The following CBLN4 variants were observed in gnomAD, a reference collection of about 807,000 sequenced individuals.
CBLN4 encodes cerebellin-4.
A neutral mutation model predicts 14.9 loss-of-function variants in CBLN4; 7 were observed. The observed-to-expected ratio is 0.47, with a 90% CI of 0.27 to 0.88. The LOEUF (loss-of-function observed/expected upper bound fraction) is 0.88, where lower values mean the gene tolerates loss of function less well. Ranked by LOEUF, CBLN4 falls within the 40% of genes least tolerant of loss-of-function variation. The pLI is 0.14. For missense variants in CBLN4, 188 were observed against 256.8 expected (o/e 0.73, Z 1.83); for synonymous variants, 131 against 116.5 (o/e 1.12, Z -0.80).
chr20:56,001,322 C>T (rs558008818), intron 1 of CBLN4, among the ~76,000 whole-genome samples: 130 of 152,322 alleles, frequency 8.5e-4, no homozygotes, highest in Middle Eastern at 6.8e-3. Flanking sequence ...CCAGAGGTGA[C>T]GTTTCCAAGC....
In CBLN4 at chr20:56,004,438, GC is replaced by G. The variant is rs1986430933; in HGVS notation, c.-268del. On this transcript the variant is annotated 5_prime_UTR_variant, in exon 1 of 3. An upstream open reading frame in the 5' UTR gains an earlier in-frame stop. Coordinates refer to ENST00000064571, the MANE Select transcript of CBLN4 (RefSeq NM_080617.6). This position sits in a 1 kb window ranked among gnomAD's most constrained non-coding sequence, Gnocchi z 6.1. ...CCTACTCTCCTCCGCCCAAGAATCA[GC>G]CCTGCCTGGGGCCCCTGCACCCACT... 2.5e-6 allele frequency: 1 copy of G among 405,016 alleles called. No individual in the cohort carries two copies. Among genetic ancestry groups the G allele is most frequent in the Non-Finnish European group, 4.3e-6 (1 of 232,076 alleles). The allele number at this position is 405,016 out of a possible 1,614,324, so 25.1% of individuals were successfully genotyped here. A position where few individuals can be genotyped will look rare whatever the true frequency, so the allele number is the denominator to read the frequency against.
At chr20:56,003,832 G>A in intron 1 of CBLN4, 49 bp downstream of exon 1, 3 of 1,545,840 alleles carry the variant, frequency 1.9e-6, no homozygotes, top group Non-Finnish European at 2.6e-6. Context: ...GTGCTGAGGT[G>A]CCTGGAGACC....
rs1986302293 is a variant in CBLN4 at position 55,997,789 on chromosome 20, A to T, written c.*768T>A. 6.6e-6 allele frequency: 1 copy of T among 152,494 alleles called. No homozygotes were observed. Among genetic ancestry groups the T allele is most frequent in the Non-Finnish European group, 1.5e-5 (1 of 68,012 alleles). 9.4% of individuals were successfully genotyped at this position (152,494 alleles called of 1,614,324 possible). ...CAATAAAGTATAAGATTTCCCTCGGAGGGGAGCTGTTTTGCTGAGGCTCAG... is the reference window on the plus strand; with the variant it reads ...CAATAAAGTATAAGATTTCCCTCGGTGGGGAGCTGTTTTGCTGAGGCTCAG... On this transcript the variant is annotated 3_prime_UTR_variant, in exon 3 of 3. Transcript: ENST00000064571.
At position 56,004,273 on chromosome 20, in the gene CBLN4, C is replaced by T; in HGVS notation, c.-102G>A. 1.6e-6 allele frequency: 2 copies of T among 1,234,560 alleles called. No homozygotes were observed. The highest frequency in any genetic ancestry group is 2.1e-6 in the Non-Finnish European group (2 of 946,982). The allele number at this position is 1,234,560 out of a possible 1,614,324, so 76.5% of individuals were successfully genotyped here. A position where few individuals can be genotyped will look rare whatever the true frequency, so the allele number is the denominator to read the frequency against. On this transcript the variant is annotated 5_prime_UTR_variant, in exon 1 of 3. Transcript: ENST00000064571. The surrounding 1 kb of genome is among the most constrained non-coding windows in gnomAD (Gnocchi z 6.1). Reference sequence around the variant, plus strand: ...CTCGGGAAGATGCTAGCGGCTAGGTCGACAGCGCTGCAGGAGCGACGGCGG... The same window carrying T: ...CTCGGGAAGATGCTAGCGGCTAGGTTGACAGCGCTGCAGGAGCGACGGCGG...
Position 56,004,228 on chromosome 20 carries a change from C to G in CBLN4, c.-57G>C. 1 of 1,360,750 alleles carries G rather than the reference C, an allele frequency of 7.3e-7. No homozygotes were observed. Among genetic ancestry groups the G allele is most frequent in the Non-Finnish European group, 9.4e-7 (1 of 1,061,846 alleles). The allele number at this position is 1,360,750 out of a possible 1,614,324, so 84.3% of individuals were successfully genotyped here. A position where few individuals can be genotyped will look rare whatever the true frequency, so the allele number is the denominator to read the frequency against. ...GCGCTGGTGCTCGCCCGCGTCGCCT[C>G]CTACCCCGGGATCCCGGTGCTCGGG... On this transcript the variant is annotated 5_prime_UTR_variant, in exon 1 of 3. Transcript: ENST00000064571. The surrounding 1 kb of genome is among the most constrained non-coding windows in gnomAD (Gnocchi z 6.1).
intron 2 of CBLN4, among the ~76,000 whole-genome samples, chr20:55,999,670 CTGATTTTAG>C (rs71916502): frequency 0.011 from 1,614 of 152,178 alleles, 10 homozygotes; most frequent in Middle Eastern, 0.037. Flanking sequence ...ACCACTATCA[CTGATTTTAG>C]TGATTTTAGT....
chr20:56,000,992 T>C (rs938408039), intron 1 of CBLN4, 145 bp from the exon 2 acceptor site: 7 of 440,986 alleles, frequency 1.6e-5, no homozygotes, highest in Admixed American at 4.3e-5. Context: ...TTCTTTTCTT[T>C]TTTCTTTTGT....
chr20:55,999,636 A>T (rs908327101), intron 2 of CBLN4, among the ~76,000 whole-genome samples: 1 of 152,122 alleles, frequency 6.6e-6, no homozygotes, highest in Non-Finnish European at 1.5e-5. Flanking sequence ...TCAGAGAAAA[A>T]CCAAAAAATA....
At position 55,998,581 on chromosome 20, in the gene CBLN4, A is replaced by T. The variant is rs1986318720; in HGVS notation, c.582T>A (p.Ser194=). The change falls in exon 3 of 3, where the codon TCT becomes TCA. Residue 194 remains serine, a synonymous_variant. Coordinates refer to ENST00000064571, the MANE Select transcript of CBLN4 (RefSeq NM_080617.6). The stretch of plus-strand genomic sequence containing the variant: ...CCTATAGGGGGAACACCAGAAAGCC[A>T]GAAAACGTGGAATACTGCCAGCCTC... ...LVGGWQYSTF[S]GFLVFPL is the part of the protein sequence containing the mutation. 1 of 1,614,028 alleles carries T rather than the reference A, an allele frequency of 6.2e-7. No individual in the cohort carries two copies. Among genetic ancestry groups the T allele is most frequent in the African/African-American group, 1.3e-5 (1 of 74,944 alleles).
Position 56,004,556 on chromosome 20 carries a change from A to C in CBLN4, c.-385T>G, listed in dbSNP as rs970482709. 6 of 171,628 alleles carry C rather than the reference A, an allele frequency of 3.5e-5. No individual in the cohort carries two copies. The highest frequency in any genetic ancestry group is 9.5e-5 in the African/African-American group (4 of 42,282). 10.6% of individuals were successfully genotyped at this position (171,628 alleles called of 1,614,324 possible). A position where few individuals can be genotyped will look rare whatever the true frequency, so the allele number is the denominator to read the frequency against. On this transcript the variant is annotated 5_prime_UTR_variant, in exon 1 of 3. Transcript: ENST00000064571. This position sits in a 1 kb window ranked among gnomAD's most constrained non-coding sequence, Gnocchi z 6.1. ...AATAATAAATTCTCACCCCAAACTC[A>C]AGCACCACCAGCTAAACCACGGAGC...
At position 56,003,468 on chromosome 20, in the gene CBLN4, G is replaced by T. The variant is rs913507780; in HGVS notation, c.291+413C>A. 3.9e-5 allele frequency among the ~76,000 whole-genome samples: 6 copies of T among 152,210 alleles called. No homozygotes were observed. The South Asian group carries it at 1.2e-3, about 32-fold the overall frequency. On this transcript the variant is annotated intron_variant, in intron 1 of 2. Transcript: ENST00000064571. ...ACAAATCAAACATTTATCCTGTTCCGCAAAGGTACCCAGGGAGCAGCCTCA... is the reference window on the plus strand; with the variant it reads ...ACAAATCAAACATTTATCCTGTTCCTCAAAGGTACCCAGGGAGCAGCCTCA...
intron 1 of CBLN4, among the ~76,000 whole-genome samples, chr20:56,002,191 G>A (rs1422335058): frequency 6.6e-6 from 1 of 152,076 alleles, no homozygotes; most frequent in African/African-American, 2.4e-5. Flanking sequence ...CTGAGATTTC[G>A]CCTTCTTCCA....
At chr20:56,000,327 C>CA (rs1231172980) in intron 2 of CBLN4, among the ~76,000 whole-genome samples, 2 of 152,142 alleles carry the variant, frequency 1.3e-5, no homozygotes, top group Admixed American at 1.3e-4. Flanking sequence ...TAAAAAATAG[C>CA]AAATGTGTTT....
intron 2 of CBLN4, among the ~76,000 whole-genome samples, chr20:56,000,048 T>C (rs370523550): frequency 1.2e-4 from 19 of 152,238 alleles, no homozygotes; most frequent in African/African-American, 2.7e-4. Context: ...TCCATGCACA[T>C]GTATTTGTGT....
rs143322740 is a variant in CBLN4 at position 55,999,829 on chromosome 20, G to A, written c.408+902C>T. Among the ~76,000 whole-genome samples, 21 of 152,212 alleles carry A rather than the reference G, an allele frequency of 1.4e-4. No homozygotes were observed. In the East Asian group the frequency reaches 4.1e-3, roughly 29 times the overall value. ...TTGCATACATTTCTAAATATTGGGG[G>A]TTGGGAAAACTTTTCCATGGAAGTA... On this transcript the variant is annotated intron_variant, in intron 2 of 2. Transcript: ENST00000064571.
rs761242695 is a variant in CBLN4, at chr20:56,004,143, G to C, written c.29C>G (p.Ala10Gly). The change falls in exon 1 of 3, where the codon GCG becomes GGG. Residue 10 changes from alanine to glycine, a missense_variant. Around this residue, in one of 2 missense-constraint regions of CBLN4, gnomAD observed 95 missense variants for 99.2 expected, o/e 0.96. Transcript: ENST00000064571. This position sits in a 1 kb window ranked among gnomAD's most constrained non-coding sequence, Gnocchi z 6.1. MGSGRRALS[A>G]VPAVLLVLTL... ...GAGGACCAGCAGCACGGCCGGCACC[G>C]CGGACAGCGCCCGGCGCCCGGAGCC... 2 of 1,563,468 alleles carry C rather than the reference G, an allele frequency of 1.3e-6. No homozygotes were observed. The highest frequency in any genetic ancestry group is 4.7e-5 in the East Asian group (2 of 42,164).
At chr20:56,002,228 CTGA>C (rs1853049843) in intron 1 of CBLN4, among the ~76,000 whole-genome samples, 1 of 151,998 alleles carries the variant, frequency 6.6e-6, no homozygotes, top group Non-Finnish European at 1.5e-5. Flanking sequence ...TTTTTGTAAC[CTGA>C]TGATAGATGG....
chr20:56,004,458 A>T lies in CBLN4; in HGVS notation c.-287T>A, dbSNP rs1288240803. On this transcript the variant is annotated 5_prime_UTR_variant, in exon 1 of 3. Coordinates refer to ENST00000064571, the MANE Select transcript of CBLN4 (RefSeq NM_080617.6). This position sits in a 1 kb window ranked among gnomAD's most constrained non-coding sequence, Gnocchi z 6.1. ...AATCAGCCCTGCCTGGGGCCCCTGC[A>T]CCCACTCTGGTTCCTAGACATCTGA... 3 of 375,538 alleles carry T rather than the reference A, an allele frequency of 8.0e-6. No homozygotes were observed. The highest frequency in any genetic ancestry group is 1.4e-5 in the Non-Finnish European group (3 of 212,692). 23.3% of individuals were successfully genotyped at this position (375,538 alleles called of 1,614,324 possible). A position where few individuals can be genotyped will look rare whatever the true frequency, so the allele number is the denominator to read the frequency against.
chr20:56,003,264 C>A (rs571068575), intron 1 of CBLN4, among the ~76,000 whole-genome samples: 5 of 152,330 alleles, frequency 3.3e-5, no homozygotes, highest in African/African-American at 9.6e-5. Flanking sequence ...CGGAGAAGGG[C>A]TTGCTGCCTA....
Sources: gnomAD v4.1 joint callset for allele counts (sites outside exome capture counted in the v4.1 genomes callset) on GRCh38, gnomAD v4.1.1 for gene constraint, gnomAD v4.1.1 regional missense constraint, Gnocchi (gnomAD v3.1) non-coding constraint, MANE v1.5 for transcripts, NCBI Gene and HGNC (gene_info 2026-07-23, HGNC 2026-07-21) for gene names.